ATL2: variants seen among roughly 807,000 people sequenced by gnomAD.
The protein encoded by ATL2 is atlastin GTPase 2, also known as atlastin-2.
ATL2 carries 31 observed loss-of-function variants against 73.9 expected under a neutral mutation model. The observed-to-expected ratio is 0.42, with a 90% CI of 0.32 to 0.57. The LOEUF (loss-of-function observed/expected upper bound fraction) is 0.57, where lower values mean the gene tolerates loss of function less well. Among genes scored for constraint, ATL2 ranks in the 20% least tolerant of loss-of-function variants. The pLI is 0.14. For synonymous variants in ATL2, 291 were observed against 237.5 expected, an observed-to-expected ratio of 1.23 and a Z score of -2.07; for missense variants, 738 against 702.6, an observed-to-expected ratio of 1.05 and a Z score of -0.57.
At chr2:38,340,170 G>C (rs982787261) in intron 2 of ATL2, among the ~76,000 whole-genome samples, 5 of 88,608 alleles carry the variant, frequency 5.6e-5, no homozygotes, top group Non-Finnish European at 4.2e-5. Context: ...GTTAGTTTTG[G>C]TGGGGGGGGG....
At position 38,343,376 on chromosome 2, in the gene ATL2, T is replaced by C. The variant is rs1226573437; in HGVS notation, c.255A>G (p.Leu85=). The C allele has an allele frequency of 3.7e-6, 6 of 1,612,510 alleles. No homozygotes were observed. The highest frequency in any genetic ancestry group is 2.7e-5 in the African/African-American group (2 of 74,510). The part of the protein sequence containing the change: ...LDEEALEQIL[L]QEHIRDLNIV... ...TGTTAAGATCTCGTATGTGCTCCTG[T>C]AGCAATATCTGCTCCAAAGCTTCTT... The change falls in exon 2 of 13, where the codon CTA becomes CTG. Residue 85 remains leucine (L), a synonymous_variant. Coordinates refer to ENST00000378954, the MANE Select transcript of ATL2 (RefSeq NM_001135673.4).
intron 1 of ATL2, among the ~76,000 whole-genome samples, chr2:38,344,658 T>C (rs564989033): frequency 6.6e-6 from 1 of 152,120 alleles, no homozygotes; most frequent in Non-Finnish European, 1.5e-5. Context: ...ATTCTGAAAC[T>C]TAAAGGGGAA....
chr2:38,351,644 C>T (rs574495153), intron 1 of ATL2, among the ~76,000 whole-genome samples: 128 of 152,088 alleles, frequency 8.4e-4, no homozygotes, highest in Non-Finnish European at 1.6e-3. Context: ...CAGGCACCTG[C>T]CACCACGCCT....
Position 38,299,287 on chromosome 2 carries a change from G to T in ATL2, c.1169C>A (p.Ala390Glu). The T allele has an allele frequency of 1.3e-6, 2 of 1,514,056 alleles. No individual in the cohort carries two copies. The highest frequency in any genetic ancestry group is 1.7e-6 in the Non-Finnish European group (2 of 1,143,586). The allele number at this position is 1,514,056 out of a possible 1,614,324, so 93.8% of individuals were successfully genotyped here. The change falls in exon 11 of 13, where the codon GCA (alanine) becomes GAA (glutamate). Residue 390 changes from alanine (A) to glutamate (E), a missense_variant. Transcript: ENST00000378954. The part of the protein sequence containing the change: ...EANNLAAVAG[A>E]RDTYCKSMEQ... The stretch of plus-strand genomic sequence containing the variant: ...CATACTTTTACAATAGGTATCTCTT[G>T]CTCCTGCTACTGCAGCAAGATTATT...
chr2:38,314,207 G>A lies in ATL2; in HGVS notation c.711+401C>T, dbSNP rs529029119. The stretch of plus-strand genomic sequence containing the variant: ...TAAACTATCTGGAACTTTTCTATAT[G>A]AAACCAAAATAAAGAGTAACAGAAC... On this transcript the variant is annotated intron_variant, in intron 6 of 12. Coordinates refer to ENST00000378954, the MANE Select transcript of ATL2 (RefSeq NM_001135673.4). 2.6e-5 allele frequency among the ~76,000 whole-genome samples: 4 copies of A among 152,022 alleles called. No homozygotes were observed. The East Asian group carries it at 7.7e-4, about 29-fold the overall frequency.
chr2:38,309,012 A>C (rs1407171877), intron 9 of ATL2, among the ~76,000 whole-genome samples: 1 of 151,948 alleles, frequency 6.6e-6, no homozygotes, highest in Non-Finnish European at 1.5e-5. Context: ...TCAAGTCCTC[A>C]GAACTCTGAG....
intron 2 of ATL2, among the ~76,000 whole-genome samples, chr2:38,326,680 G>C (rs1263669357): frequency 6.6e-6 from 1 of 152,100 alleles, no homozygotes; most frequent in Non-Finnish European, 1.5e-5. Flanking sequence ...AATTACACTG[G>C]ACTTCCCATT....
intron 12 of ATL2, chr2:38,296,535 G>T (rs1202697979): frequency 6.2e-7 from 1 of 1,614,080 alleles, no homozygotes; most frequent in Non-Finnish European, 8.5e-7. Context: ...CTGTGCTGAT[G>T]AAAGAGCACG....
In ATL2 at chr2:38,315,186, G is replaced by T. The variant is rs145796749; in HGVS notation, c.654+98C>A. 1.1e-4 allele frequency: 134 copies of T among 1,203,892 alleles called. 2 individuals are homozygous for T. In the African/African-American group the frequency reaches 1.7e-3, roughly 15 times the overall value. The allele number at this position is 1,203,892 out of a possible 1,614,324, so 74.6% of individuals were successfully genotyped here. On this transcript the variant is annotated intron_variant, in intron 5 of 12. Transcript: ENST00000378954. ...GAATCCCTTGAACTTGGGAGGGGGA[G>T]GTTGCAGTGAACCAAGATTGTGCCA...
Position 38,343,440 on chromosome 2 carries a change from A to G in ATL2, c.191T>C (p.Val64Ala). ...VMKKPCPVQI[V>A]LAHEDDHNFE... ...GTTATGGTCATCTTCATGAGCAAGA[A>G]CAATCTGTACTGGACATGGTTTCTT... Residue 64 changes from valine to alanine, a missense_variant, in exon 2 of 13, where the codon GTT becomes GCT. Transcript: ENST00000378954. 1 of 1,613,126 alleles carries G rather than the reference A, an allele frequency of 6.2e-7. No individual in the cohort carries two copies. Among genetic ancestry groups the G allele is most frequent in the Non-Finnish European group, 8.5e-7 (1 of 1,179,434 alleles).
chr2:38,373,014 T>C (rs1671770490), intron 1 of ATL2, among the ~76,000 whole-genome samples: 2 of 146,722 alleles, frequency 1.4e-5, no homozygotes, highest in African/African-American at 5.5e-5. Flanking sequence ...CATTCTTACA[T>C]ATATGTTACT....
At position 38,334,845 on chromosome 2, in the gene ATL2, T is replaced by C. The variant is rs1003616523; in HGVS notation, c.363+8423A>G. Among the ~76,000 whole-genome samples, 18 of 135,064 alleles carry C rather than the reference T, an allele frequency of 1.3e-4. No individual in the cohort carries two copies. In the East Asian group the frequency reaches 2.4e-3, roughly 18 times the overall value. 88.6% of individuals were successfully genotyped at this position (135,064 alleles called of 152,430 possible). On this transcript the variant is annotated intron_variant, in intron 2 of 12. Coordinates refer to ENST00000378954, the MANE Select transcript of ATL2 (RefSeq NM_001135673.4). ...AATATTCAACATTATAGTTATAATT[T>C]ATATTCAATATTTATATATTATATA...
Position 38,309,410 on chromosome 2 carries a change from A to T in ATL2, c.1040T>A (p.Val347Asp). 1 of 1,611,546 alleles carries T rather than the reference A, an allele frequency of 6.2e-7. No homozygotes were observed. Among genetic ancestry groups the T allele is most frequent in the African/African-American group, 1.3e-5 (1 of 74,990 alleles). Reference sequence around the variant, plus strand: ...ATATTCTACAAGATCTCTACAAGTGACTTTAGATCCACTTATCTCTTTTTC... The same window carrying T: ...ATATTCTACAAGATCTCTACAAGTGTCTTTAGATCCACTTATCTCTTTTTC... ...LVEKEISGSK[V>D]TCRDLVEYFK... The change falls in exon 9 of 13, where the codon GTC becomes GAC. Residue 347 changes from valine (V) to aspartate (D), a missense_variant. Physicochemically the swap from Val to Asp is radical, Grantham distance 152. Transcript: ENST00000378954.
At chr2:38,339,556 A>G (rs1423273197) in intron 2 of ATL2, among the ~76,000 whole-genome samples, 3 of 152,188 alleles carry the variant, frequency 2.0e-5, no homozygotes, top group African/African-American at 7.2e-5. Context: ...GACCTCTAAT[A>G]TTGTGTTAAA....
chr2:38,315,239 G>T, intron 5 of ATL2, 45 bp downstream of exon 5: 1 of 1,420,934 alleles, frequency 7.0e-7, no homozygotes, highest in Non-Finnish European at 9.2e-7. Context: ...GAACAAGAGC[G>T]AAACTCCATC....
rs754478649 is a variant in ATL2, at chr2:38,343,319, A to G, written c.312T>C (p.Arg104=). The G allele has an allele frequency of 1.2e-6, 2 of 1,611,834 alleles. No homozygotes were observed. Among genetic ancestry groups the G allele is most frequent in the Non-Finnish European group, 1.7e-6 (2 of 1,179,502 alleles). The change falls in exon 2 of 13, where the codon CGT becomes CGC. Residue 104 remains arginine, a synonymous_variant. Coordinates refer to ENST00000378954, the MANE Select transcript of ATL2 (RefSeq NM_001135673.4). ...AGTCCAGTAGAAATGACTTCCCTTTACGAAAAGCTCCTGCCACAGATACCA... is the reference window on the plus strand; with the variant it reads ...AGTCCAGTAGAAATGACTTCCCTTTGCGAAAAGCTCCTGCCACAGATACCA... ...IVVVSVAGAF[R]KGKSFLLDFM...
At chr2:38,337,527 G>C (rs1003665187) in intron 2 of ATL2, among the ~76,000 whole-genome samples, 1 of 124,192 alleles carries the variant, frequency 8.1e-6, no homozygotes, top group Admixed American at 8.0e-5. Context: ...AGGCAGTTGA[G>C]GCAACTTGAA....
rs1487661837 is a variant in ATL2 at position 38,298,438 on chromosome 2, G to C, written c.1338C>G (p.Asp446Glu). The change falls in exon 12 of 13, where the codon GAC becomes GAG. Residue 446 changes from aspartate (D) to glutamate (E), a missense_variant. Asp to Glu is a conservative substitution (Grantham distance 45). Transcript: ENST00000378954. Reference protein sequence around the residue: ...GGDEFCRRYQDQLEAEIEETY... With the variant: ...GGDEFCRRYQEQLEAEIEETY... ...TTTCTTCAATTTCAGCTTCAAGCTG[G>C]TCCTGATAACGACGGCAGAACTCAT... The C allele has an allele frequency of 9.3e-6, 15 of 1,614,010 alleles. No individual in the cohort carries two copies. The highest frequency in any genetic ancestry group is 1.2e-5 in the Non-Finnish European group (14 of 1,180,008).
intron 1 of ATL2, among the ~76,000 whole-genome samples, chr2:38,367,041 T>C (rs1217607654): frequency 6.6e-6 from 1 of 151,982 alleles, no homozygotes; most frequent in Non-Finnish European, 1.5e-5. Context: ...TCTCACTATG[T>C]CGCCCAGGCT....
Sources: allele counts gnomAD v4.1 joint callset (sites outside exome capture counted in the v4.1 genomes callset), GRCh38; gene constraint gnomAD v4.1.1; transcripts MANE v1.5; gene names NCBI Gene and HGNC (gene_info 2026-07-23, HGNC 2026-07-21).